The following BACH2 variants were observed in gnomAD, a reference collection of about 807,000 sequenced individuals.
BACH2 encodes the protein transcription regulator protein BACH2.
Under a neutral mutation model 61.8 loss-of-function variants are expected in BACH2, and 5 were observed. The observed-to-expected ratio is 0.08, with a 90% CI of 0.04 to 0.17. The LOEUF (loss-of-function observed/expected upper bound fraction) is 0.17. Ranked by LOEUF, BACH2 falls within the 10% of genes least tolerant of loss-of-function variation. The pLI, the probability that BACH2 is intolerant of heterozygous loss-of-function variation, is 1.00. For missense variants in BACH2, 824 were observed against 1,091.1 expected (o/e 0.76, Z 3.45); for synonymous variants, 446 against 440.1 (o/e 1.01, Z -0.17).
In BACH2 at chr6:90,058,075, C is replaced by T. The variant is rs534551518; in HGVS notation, c.-13+30886G>A. ...TGAAAACTGGCACAAGACAGGGATGCCCGTTCTCACCACTCCTATTCAACA... is the reference window on the plus strand; with the variant it reads ...TGAAAACTGGCACAAGACAGGGATGTCCGTTCTCACCACTCCTATTCAACA... On this transcript the variant is annotated intron_variant, in intron 5 of 8. Coordinates refer to ENST00000257749, the MANE Select transcript of BACH2 (RefSeq NM_021813.4). Among the ~76,000 whole-genome samples the T allele has an allele frequency of 7.9e-5, 12 of 152,274 alleles. No homozygotes were observed. In the East Asian group the frequency reaches 2.1e-3, roughly 27 times the overall value.
intron 4 of BACH2, among the ~76,000 whole-genome samples, chr6:90,120,919 T>G (rs1339554896): frequency 2.0e-5 from 3 of 151,746 alleles, no homozygotes; most frequent in Non-Finnish European, 4.4e-5. Context: ...AGTGTGAAAA[T>G]AGTTATTTGT....
At chr6:90,059,064 GCAAGGA>G (rs1780535828) in intron 5 of BACH2, among the ~76,000 whole-genome samples, 1 of 152,158 alleles carries the variant, frequency 6.6e-6, no homozygotes, top group Non-Finnish European at 1.5e-5. Context: ...ACAGGCATGG[GCAAGGA>G]CTTCATGTCT....
chr6:89,988,670 A>G (rs2128364792), intron 6 of BACH2, among the ~76,000 whole-genome samples: 1 of 152,268 alleles, frequency 6.6e-6, no homozygotes, highest in South Asian at 2.1e-4. Flanking sequence ...TGAAGAACAT[A>G]CTCTAAAAGA....
intron 4 of BACH2, among the ~76,000 whole-genome samples, chr6:90,123,686 C>T (rs1021500669): frequency 3.6e-5 from 5 of 137,990 alleles, no homozygotes; most frequent in African/African-American, 5.5e-5. Flanking sequence ...AGGAGAATGG[C>T]GTGAACCCGG....
intron 5 of BACH2, among the ~76,000 whole-genome samples, chr6:90,014,632 T>C (rs2127782993): frequency 6.6e-6 from 1 of 151,022 alleles, no homozygotes; most frequent in East Asian, 2.0e-4. Flanking sequence ...TGCGCTACCA[T>C]GCCCAGCTAA....
chr6:90,006,293 G>C (rs182796756), intron 6 of BACH2, among the ~76,000 whole-genome samples: 1 of 152,288 alleles, frequency 6.6e-6, no homozygotes, highest in Non-Finnish European at 1.5e-5. Context: ...GAGAATTTTT[G>C]TATTTATCAT....
intron 6 of BACH2, among the ~76,000 whole-genome samples, chr6:89,988,092 G>T (rs978995420): frequency 6.6e-6 from 1 of 152,176 alleles, no homozygotes; most frequent in Non-Finnish European, 1.5e-5. Flanking sequence ...AGGAAACACA[G>T]GGAGCATTGA....
intron 7 of BACH2, among the ~76,000 whole-genome samples, chr6:89,940,092 A>G (rs1015454724): frequency 1.3e-5 from 2 of 150,042 alleles, no homozygotes; most frequent in African/African-American, 4.9e-5. Context: ...CTCACGGCAA[A>G]CTCCACCTCC....
chr6:90,061,254 G>A (rs936013549), intron 5 of BACH2, among the ~76,000 whole-genome samples: 2 of 152,122 alleles, frequency 1.3e-5, no homozygotes, highest in African/African-American at 4.8e-5. Flanking sequence ...ACAGAAAGAG[G>A]TGAAATGACT....
chr6:89,942,281 A>G (rs1338628858), intron 7 of BACH2, among the ~76,000 whole-genome samples: 3 of 152,172 alleles, frequency 2.0e-5, no homozygotes, highest in Non-Finnish European at 4.4e-5. Context: ...GGAAATAAGG[A>G]GTAGCCACTG....
rs1397440551 is a variant in BACH2, at chr6:89,930,266, T to A, written c.*2142A>T. 8.2e-6 allele frequency: 1 copy of A among 121,926 alleles called. No homozygotes were observed. Among genetic ancestry groups the A allele is most frequent in the Non-Finnish European group, 1.6e-5 (1 of 62,066 alleles). 7.6% of individuals were successfully genotyped at this position (121,926 alleles called of 1,614,324 possible). On this transcript the variant is annotated 3_prime_UTR_variant, in exon 9 of 9. Coordinates refer to ENST00000257749, the MANE Select transcript of BACH2 (RefSeq NM_021813.4). The stretch of plus-strand genomic sequence containing the variant: ...TTTTTTTTTTTTTTATCCTACTGCA[T>A]GAACTGACAAATTTCTGGCATTCAT...
At chr6:90,076,762 AGAG>A (rs1249735944) in intron 5 of BACH2, among the ~76,000 whole-genome samples, 1 of 152,240 alleles carries the variant, frequency 6.6e-6, no homozygotes, top group East Asian at 1.9e-4. Flanking sequence ...TCCCTCATTC[AGAG>A]GAGAGCATGC....
chr6:90,003,995 T>C (rs1457334551), intron 6 of BACH2, among the ~76,000 whole-genome samples: 1 of 152,226 alleles, frequency 6.6e-6, no homozygotes, highest in African/African-American at 2.4e-5. Flanking sequence ...TTAACTACTT[T>C]CTGTACTATT....
At chr6:90,016,661 C>T (rs1036759484) in intron 5 of BACH2, among the ~76,000 whole-genome samples, 2 of 152,108 alleles carry the variant, frequency 1.3e-5, no homozygotes, top group Non-Finnish European at 2.9e-5. Flanking sequence ...AGTCAATTAC[C>T]TTTTAAAAAG....
intron 5 of BACH2, among the ~76,000 whole-genome samples, chr6:90,010,080 GCTTT>G (rs1777627342): frequency 5.9e-5 from 9 of 152,054 alleles, no homozygotes; most frequent in Admixed American, 5.2e-4. Context: ...TTTCTTTTTG[GCTTT>G]CTTATTTTTT....
intron 4 of BACH2, among the ~76,000 whole-genome samples, chr6:90,171,646 A>T (rs183384535): frequency 6.6e-6 from 1 of 152,328 alleles, no homozygotes; most frequent in Admixed American, 6.5e-5. Context: ...CAAAAATCAC[A>T]AAACAAAGAA....
chr6:90,175,860 G>A (rs1400634360), intron 4 of BACH2, among the ~76,000 whole-genome samples: 1 of 152,014 alleles, frequency 6.6e-6, no homozygotes, highest in Non-Finnish European at 1.5e-5. Context: ...CTGGCCCTCA[G>A]AGGCAATATT....
intron 5 of BACH2, among the ~76,000 whole-genome samples, chr6:90,068,848 A>C (rs1280605152): frequency 2.0e-5 from 3 of 152,146 alleles, no homozygotes; most frequent in Non-Finnish European, 4.4e-5. Context: ...GATAATTAGC[A>C]TCGTTTTCCT....
At chr6:90,254,616 ATATAT>A (rs1052019544) in intron 2 of BACH2, among the ~76,000 whole-genome samples, 48 of 152,126 alleles carry the variant, frequency 3.2e-4, no homozygotes, top group African/African-American at 9.9e-4. Flanking sequence ...CATAGTATCT[ATATAT>A]TATATTTAGA....
Sources: allele counts gnomAD v4.1 joint callset (sites outside exome capture counted in the v4.1 genomes callset), GRCh38; gene constraint gnomAD v4.1.1; transcripts MANE v1.5; gene names NCBI Gene and HGNC (gene_info 2026-07-23, HGNC 2026-07-21).